Variants in COA1 observed in about 807,000 individuals in gnomAD.
COA1 encodes the protein cytochrome c oxidase assembly factor 1, also known as cytochrome c oxidase assembly factor 1 homolog.
COA1 carries 13 observed loss-of-function variants against 16.0 expected under a neutral mutation model. The observed-to-expected ratio is 0.81, with a 90% confidence interval of 0.53 to 1.29. The LOEUF (loss-of-function observed/expected upper bound fraction) is 1.29. COA1 is among the 50% of genes most tolerant of loss of function. The pLI, the probability that COA1 is intolerant of heterozygous loss-of-function variation, is 0.00. For missense variants in COA1, 179 were observed against 177.0 expected (o/e 1.01, Z -0.06); for synonymous variants, 65 against 65.7 (o/e 0.99, Z 0.05).
chr7:43,624,510 C>T (rs199661587), intron 6 of COA1: 19 of 1,605,438 alleles, frequency 1.2e-5, no homozygotes, highest in Non-Finnish European at 1.4e-5. Flanking sequence ...AAACATGTAT[C>T]TTTACAGAGA....
chr7:43,624,461 C>A, intron 6 of COA1: 1 of 1,501,962 alleles, frequency 6.7e-7, no homozygotes, highest in Non-Finnish European at 8.9e-7. Flanking sequence ...GTACCTTATG[C>A]TCTAATTTTA....
intron 3 of COA1, chr7:43,646,830 A>G (rs2089452286): frequency 7.1e-6 from 2 of 280,428 alleles, no homozygotes; most frequent in Admixed American, 4.1e-5. Flanking sequence ...TGACACTCAC[A>G]TCCTGGGAAG....
intron 1 of COA1, among the ~76,000 whole-genome samples, chr7:43,720,142 G>A (rs1019444141): frequency 6.6e-6 from 1 of 152,096 alleles, no homozygotes; most frequent in African/African-American, 2.4e-5. Context: ...AGCCAGGCAT[G>A]GTGGCGGGCA....
rs1046972041 is a variant in COA1, at chr7:43,729,439, C to T, written c.-49G>A. ...CCGCGGGAGACTAACCTGTGAGCAA[C>T]AGAAGCACCACGCTACAAAGAGCAT... On this transcript the variant is annotated 5_prime_UTR_variant, in exon 1 of 6. Transcript: ENST00000223336. 2 of 152,308 alleles carry T rather than the reference C, an allele frequency of 1.3e-5. No homozygotes were observed. The highest frequency in any genetic ancestry group is 4.8e-5 in the African/African-American group (2 of 41,472). The allele number at this position is 152,308 out of a possible 1,614,324, so 9.4% of individuals were successfully genotyped here.
intron 6 of COA1, among the ~76,000 whole-genome samples, chr7:43,612,574 A>G (rs2082971815): frequency 2.6e-5 from 4 of 152,248 alleles, no homozygotes; most frequent in Admixed American, 2.0e-4. Context: ...GGTAATTTTG[A>G]ATTATTAGGC....
At position 43,611,704 on chromosome 7, in the gene COA1, C is replaced by T. The variant is rs568090898; in HGVS notation, c.*134-2209G>A. On this transcript the variant is annotated intron_variant and NMD_transcript_variant, in intron 6 of 6. Transcript: ENST00000415076. The stretch of plus-strand genomic sequence containing the variant: ...AAGTATTAGCCATGCAGAGGAATTC[C>T]CAAAATAAATGTTTATGCTGTAGCT... Among the ~76,000 whole-genome samples the T allele has an allele frequency of 2.0e-5, 3 of 152,214 alleles. No individual in the cohort carries two copies. The South Asian group carries it at 6.2e-4, about 32-fold the overall frequency.
At chr7:43,620,088 T>C (rs558066053) in intron 6 of COA1, among the ~76,000 whole-genome samples, 2 of 152,296 alleles carry the variant, frequency 1.3e-5, no homozygotes, top group East Asian at 3.9e-4. Flanking sequence ...GACAAAGGAA[T>C]TGCCAAGTCT....
chr7:43,707,271 T>C (rs80149718), intron 1 of COA1, among the ~76,000 whole-genome samples: 1,690 of 152,294 alleles, frequency 0.011, 28 homozygotes, highest in African/African-American at 0.037. Context: ...AACAAATTAA[T>C]GGGCAAAAGG....
At chr7:43,715,734 G>A (rs965637519) in intron 1 of COA1, among the ~76,000 whole-genome samples, 3 of 152,076 alleles carry the variant, frequency 2.0e-5, no homozygotes, top group Non-Finnish European at 4.4e-5. Flanking sequence ...CAACAAACAC[G>A]GGTAGTATTT....
chr7:43,691,427 AAGAAAG>A (rs1563385844), intron 1 of COA1, among the ~76,000 whole-genome samples: 37 of 61,456 alleles, frequency 6.0e-4, no homozygotes, highest in African/African-American at 2.0e-3. Context: ...AAGAAAAAGA[AAGAAAG>A]AAAGAAAGAA....
chr7:43,675,993 G>A (rs1043468048), intron 1 of COA1, among the ~76,000 whole-genome samples: 39 of 152,080 alleles, frequency 2.6e-4, no homozygotes, highest in East Asian at 2.3e-3. Flanking sequence ...ACTACCCATC[G>A]GTGATAACTG....
chr7:43,707,924 C>G (rs1563440191), intron 1 of COA1, among the ~76,000 whole-genome samples: 2 of 152,202 alleles, frequency 1.3e-5, no homozygotes, highest in African/African-American at 4.8e-5. Flanking sequence ...TTCTACACTG[C>G]CAGGTTACCA....
chr7:43,643,002 C>A (rs2087598905), intron 4 of COA1, among the ~76,000 whole-genome samples: 1 of 152,238 alleles, frequency 6.6e-6, no homozygotes, highest in Non-Finnish European at 1.5e-5. Flanking sequence ...AAGGCGTGCA[C>A]TGAGGCTCCA....
rs148324763 is a variant in COA1 at position 43,685,998 on chromosome 7, C to T, written c.-38-37346G>A. Reference sequence around the variant, plus strand: ...ATTTTGGTTTATGTACTAAAATGCACAGAAACAGGCTACACCTGTAGTTTA... The same window carrying T: ...ATTTTGGTTTATGTACTAAAATGCATAGAAACAGGCTACACCTGTAGTTTA... On this transcript the variant is annotated intron_variant, in intron 1 of 5. Transcript: ENST00000223336. 2.9e-3 allele frequency among the ~76,000 whole-genome samples: 447 copies of T among 152,244 alleles called. 6 individuals carry two copies. Among genetic ancestry groups the T allele is most frequent in the African/African-American group, 0.01 (418 of 41,546 alleles).
chr7:43,626,235 TTCTC>T (rs1563175571), intron 6 of COA1: 3 of 152,238 alleles, frequency 2.0e-5, no homozygotes, highest in Non-Finnish European at 4.4e-5. Context: ...CTAACATGGT[TTCTC>T]AACTGTCAAA....
rs763588552 is a variant in COA1, at chr7:43,647,529, A to G, written c.115+6T>C. 1 of 1,602,314 alleles carries G rather than the reference A, an allele frequency of 6.2e-7. No homozygotes were observed. Among genetic ancestry groups the G allele is most frequent in the South Asian group, 1.1e-5 (1 of 90,856 alleles). The stretch of plus-strand genomic sequence containing the variant: ...TCAGGCCGCAGGCGGCTAGCAGGAT[A>G]CTTACTTTGAATGAGGTAATACACA... On this transcript the variant is annotated splice_donor_region_variant and intron_variant, in intron 3 of 5. Transcript: ENST00000223336.
chr7:43,644,801 G>GTC, intron 4 of COA1, among the ~76,000 whole-genome samples: 1 of 131,166 alleles, frequency 7.6e-6, no homozygotes, highest in Non-Finnish European at 1.6e-5. Flanking sequence ...CAGAGAGACA[G>GTC]AGAGAGAGAG....
intron 1 of COA1, chr7:43,711,459 G>GA (rs2095244609): frequency 6.6e-6 from 1 of 151,986 alleles, no homozygotes; most frequent in African/African-American, 2.4e-5. Flanking sequence ...TCTGTCAAAA[G>GA]AAAGAAAAAG....
intron 1 of COA1, among the ~76,000 whole-genome samples, chr7:43,686,312 T>C (rs1337481543): frequency 4.7e-5 from 7 of 149,296 alleles, no homozygotes; most frequent in Admixed American, 3.3e-4. Flanking sequence ...TTTCTTTTTT[T>C]TTTTTTTTTT....
Sources: gnomAD v4.1 joint callset for allele counts (sites outside exome capture counted in the v4.1 genomes callset) on GRCh38, gnomAD v4.1.1 for gene constraint, MANE v1.5 for transcripts, NCBI Gene and HGNC (gene_info 2026-07-23, HGNC 2026-07-21) for gene names.